Variants in LTBP1 observed in about 807,000 individuals in gnomAD.
LTBP1 encodes latent transforming growth factor beta binding protein 1, also known as latent-transforming growth factor beta-binding protein 1.
A neutral mutation model predicts 207.6 loss-of-function variants in LTBP1; 129 were observed. The ratio of observed to expected loss-of-function variants is 0.62; its 90% CI spans 0.54 to 0.72. The LOEUF (loss-of-function observed/expected upper bound fraction) is 0.72, where lower values mean the gene tolerates loss of function less well. Among genes scored for constraint, LTBP1 ranks in the 30% least tolerant of loss-of-function variants. The pLI is 0.00. For missense variants in LTBP1, 2,281 were observed against 2,217.2 expected (o/e 1.03, Z -0.58); for synonymous variants, 963 against 833.7 (o/e 1.16, Z -2.67).
chr2:33,303,330 C>A (rs760728203), intron 22 of LTBP1, among the ~76,000 whole-genome samples: 1 of 150,528 alleles, frequency 6.6e-6, no homozygotes. Context: ...CACCTCAGAT[C>A]ATCAGGCATT....
At chr2:33,184,637 G>T (rs1225054392) in intron 5 of LTBP1, among the ~76,000 whole-genome samples, 3 of 152,070 alleles carry the variant, frequency 2.0e-5, no homozygotes, top group Admixed American at 6.6e-5. Flanking sequence ...TTGCTGATCT[G>T]TGTTTTTAGT....
intron 2 of LTBP1, among the ~76,000 whole-genome samples, chr2:33,012,853 T>C (rs926173555): frequency 6.6e-6 from 1 of 152,232 alleles, no homozygotes; most frequent in Non-Finnish European, 1.5e-5. Context: ...GTACTCATCA[T>C]ACATATATAC....
chr2:33,233,338 G>T (rs1357046976), intron 9 of LTBP1, among the ~76,000 whole-genome samples: 1 of 151,926 alleles, frequency 6.6e-6, no homozygotes. Flanking sequence ...TTAATTTTAA[G>T]ACTGTTTTTC....
intron 3 of LTBP1, among the ~76,000 whole-genome samples, chr2:33,057,599 G>A (rs1397817703): frequency 6.6e-6 from 1 of 152,254 alleles, no homozygotes; most frequent in Non-Finnish European, 1.5e-5. Context: ...GGCCTGGCGA[G>A]AAATAGAGCA....
At position 33,104,690 on chromosome 2, in the gene LTBP1, T is replaced by G. The variant is rs150575051; in HGVS notation, c.864-5892T>G. ...CCTCCAAGACTGTGTGGCTCCCTGT[T>G]GTTTTTCCTGAAACATTTTTGCATT... On this transcript the variant is annotated intron_variant, in intron 3 of 33. Coordinates refer to ENST00000404816, the MANE Select transcript of LTBP1 (RefSeq NM_206943.4). Among the ~76,000 whole-genome samples, 212 of 152,352 alleles carry G rather than the reference T, an allele frequency of 1.4e-3. 1 individual carries two copies. The highest frequency in any genetic ancestry group is 4.7e-3 in the African/African-American group (197 of 41,582).
At position 33,273,379 on chromosome 2, in the gene LTBP1, T is replaced by C. The variant is rs72799718; in HGVS notation, c.2618-277T>C. On this transcript the variant is annotated intron_variant, in intron 15 of 33. Coordinates refer to ENST00000404816, the MANE Select transcript of LTBP1 (RefSeq NM_206943.4). ...TATTAATAATTGATTTTCTTACAAC[T>C]TACAACATGGCCTTTTTCTGAGTTT... is the stretch of plus-strand genomic sequence containing the variant. Among the ~76,000 whole-genome samples, 1,058 of 152,324 alleles carry C rather than the reference T, an allele frequency of 6.9e-3. 7 individuals carry two copies. The highest frequency in any genetic ancestry group is 0.014 in the Middle Eastern group (4 of 294).
At position 33,139,306 on chromosome 2, in the gene LTBP1, A is replaced by G. The variant is rs574754724; in HGVS notation, c.1201+4346A>G. 3.9e-5 allele frequency among the ~76,000 whole-genome samples: 6 copies of G among 152,306 alleles called. No homozygotes were observed. The South Asian group carries it at 8.3e-4, about 21-fold the overall frequency. ...CAGGTTTTCTTATCCTAGAGTCACA[A>G]TACCTCTGGCTCTCCCATGTTGCCT... On this transcript the variant is annotated intron_variant, in intron 5 of 33. Coordinates refer to ENST00000404816, the MANE Select transcript of LTBP1 (RefSeq NM_206943.4).
At chr2:33,069,362 C>T (rs2077673232) in intron 3 of LTBP1, among the ~76,000 whole-genome samples, 1 of 152,206 alleles carries the variant, frequency 6.6e-6, no homozygotes, top group South Asian at 2.1e-4. Flanking sequence ...TATCTAGTCC[C>T]TCAGTTCCCA....
intron 3 of LTBP1, among the ~76,000 whole-genome samples, chr2:33,051,430 A>C (rs781131677): frequency 6.6e-5 from 10 of 152,080 alleles, no homozygotes; most frequent in African/African-American, 1.7e-4. Context: ...AATAAGAAAA[A>C]AAACACACAC....
At chr2:33,175,202 C>T (rs1342978759) in intron 5 of LTBP1, among the ~76,000 whole-genome samples, 10 of 150,898 alleles carry the variant, frequency 6.6e-5, no homozygotes, top group African/African-American at 2.4e-4. Flanking sequence ...AAAGAAACTA[C>T]CATCAGAGTG....
chr2:33,033,526 A>G (rs1329006181), intron 3 of LTBP1, among the ~76,000 whole-genome samples: 2 of 152,168 alleles, frequency 1.3e-5, no homozygotes, highest in Non-Finnish European at 2.9e-5. Flanking sequence ...GAGATCAGAA[A>G]CACTGACAAT....
intron 9 of LTBP1, among the ~76,000 whole-genome samples, chr2:33,241,857 A>G (rs1430963717): frequency 6.6e-6 from 1 of 152,190 alleles, no homozygotes; most frequent in Non-Finnish European, 1.5e-5. Context: ...CTTAAAAAGA[A>G]TGAGTTACGG....
chr2:33,033,078 T>C (rs551751443), intron 3 of LTBP1, among the ~76,000 whole-genome samples: 28 of 152,324 alleles, frequency 1.8e-4, no homozygotes, highest in Admixed American at 5.9e-4. Context: ...AAAGAAATGA[T>C]TGGGACTTTC....
intron 10 of LTBP1, among the ~76,000 whole-genome samples, chr2:33,246,227 CT>C (rs1281596672): frequency 6.6e-6 from 1 of 152,152 alleles, no homozygotes; most frequent in Admixed American, 6.5e-5. Context: ...ATTTATTTCT[CT>C]TTCCTCTGAA....
At chr2:33,022,476 T>C (rs2075223806) in intron 3 of LTBP1, among the ~76,000 whole-genome samples, 1 of 152,118 alleles carries the variant, frequency 6.6e-6, no homozygotes, top group Non-Finnish European at 1.5e-5. Flanking sequence ...CAGGTACTCT[T>C]TTAAACACTT....
intron 9 of LTBP1, among the ~76,000 whole-genome samples, chr2:33,223,620 ATTG>A (rs1218203133): frequency 6.6e-6 from 1 of 152,210 alleles, no homozygotes; most frequent in Non-Finnish European, 1.5e-5. Context: ...AAACCAAGTT[ATTG>A]TTTTATAGAT....
chr2:33,102,164 A>G (rs912986953), intron 3 of LTBP1, among the ~76,000 whole-genome samples: 5 of 152,056 alleles, frequency 3.3e-5, no homozygotes, highest in African/African-American at 1.2e-4. Flanking sequence ...CCTGTCTGTC[A>G]TTGGCTCTTC....
intron 26 of LTBP1, among the ~76,000 whole-genome samples, chr2:33,354,065 A>G (rs938324047): frequency 6.6e-6 from 1 of 152,060 alleles, no homozygotes; most frequent in East Asian, 1.9e-4. Flanking sequence ...GGGTTTCACC[A>G]TGTTAGCCAG....
chr2:33,172,255 A>G (rs200278944), intron 5 of LTBP1, among the ~76,000 whole-genome samples: 2,453 of 152,292 alleles, frequency 0.016, 24 homozygotes, highest in East Asian at 0.027. Flanking sequence ...TATTCAGGAA[A>G]CCCATCTCAC....
Sources: gnomAD v4.1 joint callset for allele counts (sites outside exome capture counted in the v4.1 genomes callset) on GRCh38, gnomAD v4.1.1 for gene constraint, MANE v1.5 for transcripts, NCBI Gene and HGNC (gene_info 2026-07-23, HGNC 2026-07-21) for gene names.